The following SLC37A1 variants were observed in gnomAD, a reference collection of about 807,000 sequenced individuals.
The protein encoded by SLC37A1 is solute carrier family 37 member 1.
SLC37A1 carries 49 observed loss-of-function variants against 75.3 expected under a neutral mutation model. That is an observed-to-expected ratio of 0.65 (90% confidence interval 0.52 to 0.83). SLC37A1 has a LOEUF of 0.83. Ranked by LOEUF, SLC37A1 falls within the 40% of genes least tolerant of loss-of-function variation. SLC37A1 has a pLI of 0.00. For synonymous variants in SLC37A1, 268 were observed against 292.1 expected, an observed-to-expected ratio of 0.92 and a Z score of 0.84; for missense variants, 566 against 695.0, an observed-to-expected ratio of 0.81 and a Z score of 2.09.
intron 2 of SLC37A1, among the ~76,000 whole-genome samples, chr21:42,505,714 T>C (rs1016021625): frequency 6.6e-6 from 1 of 152,226 alleles, no homozygotes; most frequent in African/African-American, 2.4e-5. Context: ...AATTACAGTA[T>C]CCAAAACATG....
intron 7 of SLC37A1, among the ~76,000 whole-genome samples, chr21:42,543,227 GA>G (rs1483849145): frequency 1.4e-4 from 21 of 152,380 alleles, no homozygotes; most frequent in Middle Eastern, 6.8e-3. Flanking sequence ...GCAAGAGGTA[GA>G]ATGGGTGATG....
intron 8 of SLC37A1, 25 bp downstream of exon 8, chr21:42,543,627 C>A (rs769728477): frequency 3.2e-6 from 5 of 1,563,560 alleles, no homozygotes; most frequent in Non-Finnish European, 4.3e-6. Flanking sequence ...CCTTGGAGAC[C>A]ACCCACCAAG....
Position 42,548,150 on chromosome 21 carries a change from GCCT to G in SLC37A1, c.768+1015_768+1017del, listed in dbSNP as rs915168511. Among the ~76,000 whole-genome samples, 52 of 152,254 alleles carry G rather than the reference GCCT, an allele frequency of 3.4e-4. No homozygotes were observed. The highest frequency in any genetic ancestry group is 1.2e-3 in the African/African-American group (49 of 41,548). On this transcript the variant is annotated intron_variant, in intron 9 of 19. Coordinates refer to ENST00000352133, the MANE Select transcript of SLC37A1 (RefSeq NM_001320537.2). This position sits in a 1 kb window ranked among gnomAD's most constrained non-coding sequence, Gnocchi z 5.6. ...GGGGGTGCCCCCAGGCTGCCCTGCG[GCCT>G]CCTCTCTCCTTGTCTGCCCGCTCAC... is the stretch of plus-strand genomic sequence containing the variant.
At chr21:42,539,308 T>C (rs1338611298) in intron 5 of SLC37A1, among the ~76,000 whole-genome samples, 2 of 152,250 alleles carry the variant, frequency 1.3e-5, no homozygotes, top group African/African-American at 4.8e-5. Flanking sequence ...TAAAATCTTC[T>C]AAGATGTTGC....
rs758932631 is a variant in SLC37A1, at chr21:42,552,365, T to C, written c.769-1697T>C. The stretch of plus-strand genomic sequence containing the variant: ...CCCACAGGCAGTTACTAAAACAAGA[T>C]GGGAAGGTATTTCTCTCTTCTATTC... On this transcript the variant is annotated intron_variant, in intron 9 of 19. Coordinates refer to ENST00000352133, the MANE Select transcript of SLC37A1 (RefSeq NM_001320537.2). The surrounding 1 kb of genome is among the most constrained non-coding windows in gnomAD (Gnocchi z 4.2). Among the ~76,000 whole-genome samples the C allele has an allele frequency of 3.3e-5, 5 of 152,192 alleles. No individual in the cohort carries two copies. The highest frequency in any genetic ancestry group is 7.4e-5 in the Non-Finnish European group (5 of 68,022).
At chr21:42,501,901 A>G (rs2054345278) in intron 1 of SLC37A1, among the ~76,000 whole-genome samples, 2 of 152,088 alleles carry the variant, frequency 1.3e-5, no homozygotes, top group Non-Finnish European at 1.5e-5. Context: ...ATGGGGCTGT[A>G]CTTTTCAAGG....
chr21:42,507,529 T>C (rs1237577233), intron 2 of SLC37A1, among the ~76,000 whole-genome samples: 1 of 152,170 alleles, frequency 6.6e-6, no homozygotes, highest in Non-Finnish European at 1.5e-5. Context: ...TACTAAAGTG[T>C]GTGTCTTAGT....
At chr21:42,572,774 G>A (rs1204114483) in intron 17 of SLC37A1, among the ~76,000 whole-genome samples, 1 of 135,646 alleles carries the variant, frequency 7.4e-6, no homozygotes, top group East Asian at 2.0e-4. Flanking sequence ...CTCTCTGTGG[G>A]TGCTGTGAGC....
rs1248208671 is a variant in SLC37A1, at chr21:42,580,758, T to A, written c.*398T>A. 4.1e-6 allele frequency: 1 copy of A among 242,280 alleles called. No individual in the cohort carries two copies. The highest frequency in any genetic ancestry group is 8.1e-6 in the Non-Finnish European group (1 of 123,268). The allele number at this position is 242,280 out of a possible 1,614,324, so 15.0% of individuals were successfully genotyped here. ...ACATCAAAGTGAGCGAGTACTGCGC[T>A]GGCTGTGGCTTCAGAGAACCTGTAT... On this transcript the variant is annotated 3_prime_UTR_variant, in exon 20 of 20. Coordinates refer to ENST00000352133, the MANE Select transcript of SLC37A1 (RefSeq NM_001320537.2).
At chr21:42,565,958 C>A in intron 15 of SLC37A1, 83 bp downstream of exon 15, 1 of 1,407,734 alleles carries the variant, frequency 7.1e-7, no homozygotes, top group Non-Finnish European at 1.0e-6. Context: ...CTAAAATCAA[C>A]AGGCGCATTG....
chr21:42,542,575 G>A (rs1234366123), intron 7 of SLC37A1, 95 bp downstream of exon 7: 10 of 1,196,574 alleles, frequency 8.4e-6, no homozygotes, highest in Non-Finnish European at 1.2e-5. Context: ...AAACACTTTA[G>A]TATCCTCTTT....
At chr21:42,541,627 A>C (rs2055285430) in intron 6 of SLC37A1, among the ~76,000 whole-genome samples, 1 of 152,244 alleles carries the variant, frequency 6.6e-6, no homozygotes, top group African/African-American at 2.4e-5. Flanking sequence ...ATGATTAACA[A>C]CAGTACCTTC....
At chr21:42,519,499 A>C (rs2054594313) in intron 2 of SLC37A1, among the ~76,000 whole-genome samples, 1 of 152,072 alleles carries the variant, frequency 6.6e-6, no homozygotes, top group Non-Finnish European at 1.5e-5. Flanking sequence ...GATTCTTTTG[A>C]CTTCTTTTGG....
At chr21:42,521,061 G>A (rs939368221) in intron 2 of SLC37A1, among the ~76,000 whole-genome samples, 5 of 152,208 alleles carry the variant, frequency 3.3e-5, no homozygotes, top group East Asian at 1.9e-4. Context: ...ATGTGGAGCC[G>A]CTGCAGGGTA....
chr21:42,554,982 GT>G (rs57783969), intron 10 of SLC37A1, among the ~76,000 whole-genome samples: 20,848 of 116,206 alleles, frequency 0.18, 1,552 homozygotes, highest in Non-Finnish European at 0.22. Flanking sequence ...TTGGTTGGTT[GT>G]TTTTTTTTTT....
intron 17 of SLC37A1, among the ~76,000 whole-genome samples, chr21:42,570,954 C>T (rs1470645950): frequency 2.0e-5 from 3 of 152,172 alleles, no homozygotes; most frequent in Admixed American, 1.3e-4. Context: ...TGACTGTCCG[C>T]GGAGCTGCCG....
intron 1 of SLC37A1, among the ~76,000 whole-genome samples, chr21:42,516,102 C>T (rs563450320): frequency 6.6e-6 from 1 of 152,206 alleles, no homozygotes; most frequent in Non-Finnish European, 1.5e-5. Flanking sequence ...GACATTCTGC[C>T]GCTTTTCCTC....
chr21:42,559,737 G>A (rs564074486), intron 11 of SLC37A1, among the ~76,000 whole-genome samples: 14 of 152,298 alleles, frequency 9.2e-5, no homozygotes, highest in African/African-American at 2.6e-4. Flanking sequence ...TTAGCTGGGC[G>A]TGGTGGCAGG....
At chr21:42,568,212 G>A (rs1399501659) in intron 16 of SLC37A1, 148 bp from the exon 17 acceptor site, 1 of 662,816 alleles carries the variant, frequency 1.5e-6, no homozygotes, top group Non-Finnish European at 2.7e-6. Flanking sequence ...AACTCTCCAA[G>A]GCAAGCTTGG....
Sources: gnomAD v4.1 joint callset for allele counts (sites outside exome capture counted in the v4.1 genomes callset) on GRCh38, gnomAD v4.1.1 for gene constraint, Gnocchi (gnomAD v3.1) non-coding constraint, MANE v1.5 for transcripts, NCBI Gene and HGNC (gene_info 2026-07-23, HGNC 2026-07-21) for gene names.